The following CHL1 variants were observed in gnomAD, a reference collection of about 807,000 sequenced individuals.
CHL1 encodes cell adhesion molecule L1 like, also known as neural cell adhesion molecule L1-like protein.
CHL1 carries 96 observed loss-of-function variants against 141.9 expected under a neutral mutation model. The observed-to-expected ratio is 0.68, with a 90% confidence interval of 0.57 to 0.80. The LOEUF is 0.80. Among genes scored for constraint, CHL1 ranks in the 30% least tolerant of loss-of-function variants. The pLI is 0.00. For missense variants in CHL1, 1,820 were observed against 1,457.2 expected (o/e 1.25, Z -4.05); for synonymous variants, 613 against 502.2 (o/e 1.22, Z -2.95).
chr3:346,003 C>T (rs1168278157), intron 9 of CHL1, among the ~76,000 whole-genome samples: 1 of 152,180 alleles, frequency 6.6e-6, no homozygotes, highest in South Asian at 2.1e-4. Flanking sequence ...ATTCCAGCTT[C>T]CTAGCACCTG....
chr3:316,807 C>G (rs1459769895), intron 2 of CHL1, among the ~76,000 whole-genome samples: 1 of 151,710 alleles, frequency 6.6e-6, no homozygotes, highest in Non-Finnish European at 1.5e-5. Flanking sequence ...AAAATTAGTT[C>G]TTGTCTTAGT....
chr3:284,931 T>C (rs1307970124), intron 2 of CHL1, among the ~76,000 whole-genome samples: 1 of 152,230 alleles, frequency 6.6e-6, no homozygotes, highest in Non-Finnish European at 1.5e-5. Context: ...TATATCGTTG[T>C]TTGACGAATC....
chr3:339,355 T>C (rs1303560497), intron 5 of CHL1, among the ~76,000 whole-genome samples: 1 of 152,246 alleles, frequency 6.6e-6, no homozygotes, highest in African/African-American at 2.4e-5. Flanking sequence ...AAGCTCTTAA[T>C]GTAGTGAATA....
chr3:319,687 C>T lies in CHL1; in HGVS notation c.-90C>T. ...TTATTCTGTTTGTGTTTTTAGTTTCCAGGTTAACTAAGGTCTCAGCTGTAA... is the reference window on the plus strand; with the variant it reads ...TTATTCTGTTTGTGTTTTTAGTTTCTAGGTTAACTAAGGTCTCAGCTGTAA... On this transcript the variant is annotated 5_prime_UTR_variant, in exon 3 of 28. Coordinates refer to ENST00000256509, the MANE Select transcript of CHL1 (RefSeq NM_006614.4). 2 of 714,836 alleles carry T rather than the reference C, an allele frequency of 2.8e-6. No homozygotes were observed. Among genetic ancestry groups the T allele is most frequent in the South Asian group, 1.7e-5 (1 of 58,926 alleles). The allele number at this position is 714,836 out of a possible 1,614,324, so 44.3% of individuals were successfully genotyped here.
At chr3:200,475 T>C (rs1698819913) in intron 1 of CHL1, among the ~76,000 whole-genome samples, 1 of 152,204 alleles carries the variant, frequency 6.6e-6, no homozygotes. Flanking sequence ...CAAACCAAGA[T>C]TGAGAATACT....
chr3:345,981 T>G (rs551283971), intron 9 of CHL1, among the ~76,000 whole-genome samples: 1 of 152,336 alleles, frequency 6.6e-6, no homozygotes, highest in South Asian at 2.1e-4. Context: ...TGAGGATACC[T>G]TGGGAAAATG....
chr3:342,488 A>G (rs75828873), intron 7 of CHL1, among the ~76,000 whole-genome samples: 1,929 of 152,262 alleles, frequency 0.013, 40 homozygotes, highest in African/African-American at 0.044. Context: ...CCAAACTGGC[A>G]AACTTACTTG....
At chr3:353,232 G>A (rs537590776) in intron 10 of CHL1, among the ~76,000 whole-genome samples, 1 of 152,078 alleles carries the variant, frequency 6.6e-6, no homozygotes, top group African/African-American at 2.4e-5. Context: ...TTCTGCATAC[G>A]TTGAAAGCAA....
rs73814169 is a variant in CHL1 at position 202,332 on chromosome 3, C to G, written c.-175+5269C>G. Among the ~76,000 whole-genome samples, 483 of 152,256 alleles carry G rather than the reference C, an allele frequency of 3.2e-3. 1 individual carries two copies. Among genetic ancestry groups the G allele is most frequent in the African/African-American group, 0.011 (453 of 41,556 alleles). ...ACAGAGCGTATGTGTGTGTGTATCC[C>G]TGTGTATGTGAATAACTGTGAGCCA... On this transcript the variant is annotated intron_variant, in intron 1 of 27. Coordinates refer to ENST00000256509, the MANE Select transcript of CHL1 (RefSeq NM_006614.4).
rs1700666823 is a variant in CHL1 at position 322,645 on chromosome 3, A to AT, written c.91+2778_91+2779insT. On this transcript the variant is annotated intron_variant, in intron 3 of 27. Transcript: ENST00000256509. ...ATCTCTAAATTATATATATATATAA[A>AT]ATATATATATATATATATATATATA... Among the ~76,000 whole-genome samples the AT allele has an allele frequency of 1.2e-4, 15 of 130,210 alleles. No homozygotes were observed. In the South Asian group the frequency reaches 2.3e-3, roughly 20 times the overall value. The allele number at this position is 130,210 out of a possible 152,430, so 85.4% of individuals were successfully genotyped here.
At chr3:253,769 C>G (rs979355217) in intron 2 of CHL1, among the ~76,000 whole-genome samples, 1 of 152,098 alleles carries the variant, frequency 6.6e-6, no homozygotes, top group Non-Finnish European at 1.5e-5. Flanking sequence ...ACCTCTACCA[C>G]CTACTAGGTT....
At chr3:362,334 G>C (rs1190005399) in intron 13 of CHL1, among the ~76,000 whole-genome samples, 1 of 152,104 alleles carries the variant, frequency 6.6e-6, no homozygotes, top group Non-Finnish European at 1.5e-5. Flanking sequence ...AATAGTTCTT[G>C]AATAATTTTG....
chr3:377,345 T>G (rs541949166), intron 15 of CHL1, among the ~76,000 whole-genome samples: 1 of 152,180 alleles, frequency 6.6e-6, no homozygotes, highest in Non-Finnish European at 1.5e-5. Flanking sequence ...AAAGAGAAAC[T>G]TGTGAAAAAC....
intron 5 of CHL1, among the ~76,000 whole-genome samples, chr3:337,736 G>A (rs1451786152): frequency 1.3e-5 from 2 of 152,120 alleles, no homozygotes; most frequent in Admixed American, 6.5e-5. Context: ...TGGTGTATAT[G>A]TGCCACATTT....
intron 3 of CHL1, 30 bp downstream of exon 3, chr3:319,897 T>A (rs756871845): frequency 8.0e-7 from 1 of 1,253,402 alleles, no homozygotes; most frequent in Admixed American, 1.8e-5. Flanking sequence ...TGCCTATTAA[T>A]GGAATTTCAT....
chr3:226,141 C>A (rs1701324301), intron 1 of CHL1, among the ~76,000 whole-genome samples: 1 of 150,568 alleles, frequency 6.6e-6, no homozygotes, highest in African/African-American at 2.4e-5. Flanking sequence ...GTGCCTCAGC[C>A]TCCTGAGTAG....
intron 25 of CHL1, among the ~76,000 whole-genome samples, chr3:398,727 T>C (rs915288826): frequency 2.6e-5 from 4 of 152,208 alleles, no homozygotes; most frequent in African/African-American, 9.7e-5. Flanking sequence ...TGCGCTTTTG[T>C]TTGCTCCTTG....
intron 1 of CHL1, among the ~76,000 whole-genome samples, chr3:223,946 C>T (rs1302261903): frequency 1.3e-5 from 2 of 152,126 alleles, no homozygotes; most frequent in Admixed American, 6.5e-5. Flanking sequence ...CTGGTGGAGT[C>T]AGCTGGCCTG....
At position 328,267 on chromosome 3, in the gene CHL1, A is replaced by G. The variant is rs770642813; in HGVS notation, c.298A>G (p.Ile100Val). ...ATTCAGGATCCCAAACGAGGGGCAC[A>G]TATCTCACTTTCAAGGGAAATACCG... ...GTFRIPNEGH[I>V]SHFQGKYRCF... Residue 100 changes from isoleucine (I) to valine (V), a missense_variant, in exon 5 of 28, where the codon ATA (isoleucine) becomes GTA (valine). Physicochemically the swap from Ile to Val is conservative, Grantham distance 29. Transcript: ENST00000256509. 7.4e-6 allele frequency: 12 copies of G among 1,612,726 alleles called. No individual in the cohort carries two copies. The highest frequency in any genetic ancestry group is 1.1e-5 in the South Asian group (1 of 91,004).
Sources: allele counts gnomAD v4.1 joint callset (sites outside exome capture counted in the v4.1 genomes callset), GRCh38; gene constraint gnomAD v4.1.1; transcripts MANE v1.5; gene names NCBI Gene and HGNC (gene_info 2026-07-23, HGNC 2026-07-21).